Variants in C1QTNF1 observed in about 807,000 individuals in gnomAD.
C1QTNF1 encodes the protein complement C1q tumor necrosis factor-related protein 1.
In C1QTNF1, 22 loss-of-function variants were observed where a neutral mutation model predicts 27.8. The observed-to-expected ratio is 0.79, with a 90% CI of 0.56 to 1.13. The LOEUF (loss-of-function observed/expected upper bound fraction) is 1.13. Ranked by LOEUF, C1QTNF1 falls within the 50% of genes most tolerant of loss-of-function variation. The probability of loss-of-function intolerance (pLI) is 0.00; values close to 1 mark genes in which losing one functional copy is unlikely to be tolerated. For missense variants in C1QTNF1, 373 were observed against 380.2 expected (o/e 0.98, Z 0.16); for synonymous variants, 166 against 154.3 (o/e 1.08, Z -0.56).
At chr17:79,031,587 C>T (rs145079018) in intron 1 of C1QTNF1, among the ~76,000 whole-genome samples, 1,926 of 152,300 alleles carry the variant, frequency 0.013, 22 homozygotes, top group Non-Finnish European at 0.02. Flanking sequence ...GCTGGGATTA[C>T]AGGCATGTGC....
In C1QTNF1 at chr17:79,047,532, T is replaced by A; in HGVS notation, c.296-6T>A. 6.6e-7 allele frequency: 1 copy of A among 1,521,410 alleles called. No individual in the cohort carries two copies. The highest frequency in any genetic ancestry group is 1.3e-5 in the South Asian group (1 of 75,498). 94.2% of individuals were successfully genotyped at this position (1,521,410 alleles called of 1,614,324 possible). A position where few individuals can be genotyped will look rare whatever the true frequency, so the allele number is the denominator to read the frequency against. ...TTAACAGCACGCGTTTTCCCATCCC[T>A]TTTAGGGGAGAAGGGTGACCGCGGA... On this transcript the variant is annotated splice_region_variant and splice_polypyrimidine_tract_variant and intron_variant, in intron 3 of 3. Transcript: ENST00000579760.
chr17:79,031,080 A>G (rs1203219426), intron 1 of C1QTNF1, among the ~76,000 whole-genome samples: 2 of 146,674 alleles, frequency 1.4e-5, no homozygotes, highest in African/African-American at 5.1e-5. Context: ...ATCTTGGCTC[A>G]CTGCAAGCTC....
chr17:79,043,059 T>C (rs56802079), intron 1 of C1QTNF1, among the ~76,000 whole-genome samples: 1 of 144,518 alleles, frequency 6.9e-6, no homozygotes, highest in Non-Finnish European at 1.5e-5. Context: ...CATGTGTGGG[T>C]TGCATGTGTG....
At chr17:79,023,702 G>GCACA (rs1437331174), upstream of C1QTNF1, among the ~76,000 whole-genome samples, 2 of 80,806 alleles carry the variant, frequency 2.5e-5, no homozygotes, top group East Asian at 5.2e-4. Context: ...ATGCGCGCGC[G>GCACA]CGCACACACA....
Position 79,048,321 on chromosome 17 carries a change from TC to T in C1QTNF1, c.*235del. ...CACCCGCGAGAACCCTCTGGGACCT[TC>T]CGCGGCCCTCTCTGCACACATCCTC... On this transcript the variant is annotated 3_prime_UTR_variant, in exon 4 of 4. Coordinates refer to ENST00000579760, the MANE Select transcript of C1QTNF1 (RefSeq NM_030968.5). 4 of 509,794 alleles carry T rather than the reference TC, an allele frequency of 7.8e-6. No homozygotes were observed. Among genetic ancestry groups the T allele is most frequent in the Non-Finnish European group, 1.4e-5 (4 of 294,864 alleles). 31.6% of individuals were successfully genotyped at this position (509,794 alleles called of 1,614,324 possible).
At chr17:79,045,986 G>C (rs1401201570) in intron 2 of C1QTNF1, among the ~76,000 whole-genome samples, 1 of 152,174 alleles carries the variant, frequency 6.6e-6, no homozygotes, top group Non-Finnish European at 1.5e-5. Context: ...CAGCTCTACA[G>C]CCTGGGCAAG....
At chr17:79,035,504 C>T (rs2072244583) in intron 1 of C1QTNF1, among the ~76,000 whole-genome samples, 1 of 151,526 alleles carries the variant, frequency 6.6e-6, no homozygotes, top group South Asian at 2.1e-4. Context: ...GATCTCAGCT[C>T]ACTGCAACCT....
At position 79,048,089 on chromosome 17, in the gene C1QTNF1, C is replaced by T; in HGVS notation, c.*1C>T. ...GGTCAAGCACGCCACCGAGCCCTAG[C>T]TGGCCGGCCACCTCCTTTCCTCTCG... is the stretch of plus-strand genomic sequence containing the variant. On this transcript the variant is annotated 3_prime_UTR_variant, in exon 4 of 4. Transcript: ENST00000579760. 6.5e-7 allele frequency: 1 copy of T among 1,547,440 alleles called. No individual in the cohort carries two copies. The highest frequency in any genetic ancestry group is 1.2e-5 in the South Asian group (1 of 82,436).
intron 1 of C1QTNF1, 131 bp from the exon 2 acceptor site, chr17:79,043,824 A>G: frequency 1.0e-6 from 1 of 956,806 alleles, no homozygotes. Flanking sequence ...TAACTGCAGC[A>G]TTTCCCAGTG....
chr17:79,028,280 A>G (rs1190307297), intron 1 of C1QTNF1, among the ~76,000 whole-genome samples: 1 of 152,170 alleles, frequency 6.6e-6, no homozygotes, highest in Non-Finnish European at 1.5e-5. Flanking sequence ...CCCAAACCCT[A>G]TGCTTTGGGT....
chr17:79,039,812 T>C (rs894840752), intron 1 of C1QTNF1, among the ~76,000 whole-genome samples: 1 of 151,652 alleles, frequency 6.6e-6, no homozygotes, highest in Non-Finnish European at 1.5e-5. Context: ...TATATATATA[T>C]GTAAATATGT....
chr17:79,035,903 C>T (rs1166112242), intron 1 of C1QTNF1, among the ~76,000 whole-genome samples: 1 of 152,204 alleles, frequency 6.6e-6, no homozygotes, highest in Admixed American at 6.5e-5. Context: ...CAGCGGAGCC[C>T]CTGGAGGGCA....
chr17:79,029,207 G>A (rs2072061229), intron 1 of C1QTNF1, among the ~76,000 whole-genome samples: 1 of 152,182 alleles, frequency 6.6e-6, no homozygotes, highest in Non-Finnish European at 1.5e-5. Flanking sequence ...GGTGGGCACC[G>A]TAACCCTGAG....
chr17:79,044,188 G>A, intron 2 of C1QTNF1, 65 bp downstream of exon 2: 1 of 1,462,036 alleles, frequency 6.8e-7, no homozygotes, highest in East Asian at 2.4e-5. Flanking sequence ...CTGGGCCTTG[G>A]GGCCCCTGGG....
chr17:79,047,565 G>A lies in C1QTNF1; in HGVS notation c.323G>A (p.Gly108Asp). 1.3e-6 allele frequency: 2 copies of A among 1,529,890 alleles called. No homozygotes were observed. Among genetic ancestry groups the A allele is most frequent in the Non-Finnish European group, 1.8e-6 (2 of 1,140,846 alleles). The allele number at this position is 1,529,890 out of a possible 1,614,324, so 94.8% of individuals were successfully genotyped here. The stretch of plus-strand genomic sequence containing the variant: ...GAGAAGGGTGACCGCGGAGATCGAG[G>A]CCTCCAAGGGAAATATGGCAAAACA... ...KGEKGDRGDRGLQGKYGKTGS... is the reference protein window; with the variant it reads ...KGEKGDRGDRDLQGKYGKTGS... Residue 108 changes from glycine to aspartate, a missense_variant, in exon 4 of 4, where the codon GGC (glycine) becomes GAC (aspartate). Coordinates refer to ENST00000579760, the MANE Select transcript of C1QTNF1 (RefSeq NM_030968.5).
chr17:79,048,413 A>G lies in C1QTNF1; in HGVS notation c.*325A>G, dbSNP rs2145939522. ...TCCCAGGGTGCGGCACCGCGGCTCC[A>G]GTCCTTGGAAATAATTAGGCAAATT... On this transcript the variant is annotated 3_prime_UTR_variant, in exon 4 of 4. Transcript: ENST00000579760. 1 of 290,326 alleles carries G rather than the reference A, an allele frequency of 3.4e-6. No individual in the cohort carries two copies. Among genetic ancestry groups the G allele is most frequent in the Non-Finnish European group, 6.4e-6 (1 of 157,082 alleles). 18.0% of individuals were successfully genotyped at this position (290,326 alleles called of 1,614,324 possible).
chr17:79,045,256 C>T (rs2072537850), intron 2 of C1QTNF1, among the ~76,000 whole-genome samples: 1 of 151,986 alleles, frequency 6.6e-6, no homozygotes, highest in Non-Finnish European at 1.5e-5. Context: ...GTTTGTTGGG[C>T]TGGTGGGTGG....
chr17:79,030,487 T>TTTC (rs2072103965), intron 1 of C1QTNF1, among the ~76,000 whole-genome samples: 1 of 62,950 alleles, frequency 1.6e-5, no homozygotes, highest in Non-Finnish European at 3.3e-5. Context: ...TTCTTTCTTT[T>TTTC]TCTTTCTTTC....
At chr17:79,047,203 C>T (rs948236572) in intron 3 of C1QTNF1, 4 of 297,668 alleles carry the variant, frequency 1.3e-5, no homozygotes, top group South Asian at 1.3e-4. Context: ...TGCTTTTGGA[C>T]GAACCCGTAT....
Sources: gnomAD v4.1 joint callset for allele counts (sites outside exome capture counted in the v4.1 genomes callset) on GRCh38, gnomAD v4.1.1 for gene constraint, MANE v1.5 for transcripts, NCBI Gene and HGNC (gene_info 2026-07-23, HGNC 2026-07-21) for gene names.